NRXN1: variants seen among roughly 807,000 people sequenced by gnomAD.
NRXN1 encodes the protein neurexin 1, also known as neurexin-1.
Under a neutral mutation model 150.9 loss-of-function variants are expected in NRXN1, and 39 were observed. That is an observed-to-expected ratio of 0.26 (90% CI 0.20 to 0.34). NRXN1 has a LOEUF of 0.34. Among genes scored for constraint, NRXN1 ranks in the 10% least tolerant of loss-of-function variants. The pLI is 1.00. For missense variants in NRXN1, 1,815 were observed against 1,949.9 expected (o/e 0.93, Z 1.30); for synonymous variants, 924 against 757.0 (o/e 1.22, Z -3.62).
intron 2 of NRXN1, among the ~76,000 whole-genome samples, chr2:51,005,454 T>A (rs957047484): frequency 6.6e-6 from 1 of 151,920 alleles, no homozygotes; most frequent in African/African-American, 2.4e-5. Context: ...AGAAAAGCTA[T>A]CCTTCAAAAA....
At chr2:50,105,823 A>C (rs190719346) in intron 18 of NRXN1, among the ~76,000 whole-genome samples, 1 of 152,094 alleles carries the variant, frequency 6.6e-6, no homozygotes, top group Non-Finnish European at 1.5e-5. Context: ...TGGTTGTATC[A>C]AAAAAGCCAC....
At chr2:50,326,272 T>C (rs954398126) in intron 17 of NRXN1, among the ~76,000 whole-genome samples, 1 of 152,200 alleles carries the variant, frequency 6.6e-6, no homozygotes, top group South Asian at 2.1e-4. Flanking sequence ...ACTAAAACTA[T>C]AAAACAATTT....
intron 18 of NRXN1, among the ~76,000 whole-genome samples, chr2:50,113,220 C>T (rs891563226): frequency 3.3e-5 from 5 of 152,184 alleles, no homozygotes; most frequent in African/African-American, 1.2e-4. Flanking sequence ...TCAATGACTA[C>T]CTTTCCCGCA....
At chr2:50,739,263 C>A (rs775118762) in intron 5 of NRXN1, 12 of 505,848 alleles carry the variant, frequency 2.4e-5, no homozygotes, top group South Asian at 1.4e-4. Flanking sequence ...ATGAGACTTA[C>A]TTTTTGATTA....
At chr2:49,995,582 C>T (rs1278394611) in intron 21 of NRXN1, among the ~76,000 whole-genome samples, 1 of 151,374 alleles carries the variant, frequency 6.6e-6, no homozygotes, top group Non-Finnish European at 1.5e-5. Flanking sequence ...GAGATCGACA[C>T]CATCCTGGCT....
At chr2:50,763,175 G>A (rs9752038) in intron 5 of NRXN1, among the ~76,000 whole-genome samples, 3,185 of 151,888 alleles carry the variant, frequency 0.021, 108 homozygotes, top group African/African-American at 0.074. Flanking sequence ...TGTAAGAATC[G>A]ACTAGTTCCT....
intron 21 of NRXN1, among the ~76,000 whole-genome samples, chr2:49,957,025 T>A (rs753108362): frequency 2.6e-5 from 4 of 152,160 alleles, no homozygotes; most frequent in Non-Finnish European, 4.4e-5. Context: ...AGATGCTAAG[T>A]GACCAGGCAT....
chr2:50,203,784 A>C (rs963883951), intron 18 of NRXN1, among the ~76,000 whole-genome samples: 2 of 152,314 alleles, frequency 1.3e-5, no homozygotes, highest in Non-Finnish European at 1.5e-5. Context: ...TAGCTACAAA[A>C]TCAATAGTTC....
chr2:50,412,197 C>T (rs2083237944), intron 17 of NRXN1, among the ~76,000 whole-genome samples: 1 of 151,996 alleles, frequency 6.6e-6, no homozygotes, highest in Non-Finnish European at 1.5e-5. Flanking sequence ...GGCCCTCTGC[C>T]TAGGAAAACC....
At chr2:50,215,343 T>A (rs1209892137) in intron 18 of NRXN1, among the ~76,000 whole-genome samples, 1 of 152,070 alleles carries the variant, frequency 6.6e-6, no homozygotes, top group Non-Finnish European at 1.5e-5. Context: ...AAATAAATAC[T>A]ATATGTTATG....
chr2:50,678,220 C>T (rs1689823440), intron 5 of NRXN1, among the ~76,000 whole-genome samples: 2 of 152,056 alleles, frequency 1.3e-5, no homozygotes, highest in South Asian at 4.1e-4. Context: ...ATTTGTGGGG[C>T]AAGTTCACCA....
chr2:50,475,443 T>C lies in NRXN1; in HGVS notation c.3071-2972A>G, dbSNP rs143509565. On this transcript the variant is annotated intron_variant, in intron 15 of 22. Coordinates refer to ENST00000401669, the MANE Select transcript of NRXN1 (RefSeq NM_001330078.2). The stretch of plus-strand genomic sequence containing the variant: ...CAACACATGAGGAGAGTGCTAATTC[T>C]AAAATGCACCAACTTACTTCCTTTT... Among the ~76,000 whole-genome samples, 8 of 152,180 alleles carry C rather than the reference T, an allele frequency of 5.3e-5. No homozygotes were observed. The East Asian group carries it at 1.5e-3, about 29-fold the overall frequency.
At chr2:50,822,055 G>T (rs1574598892) in intron 5 of NRXN1, among the ~76,000 whole-genome samples, 3 of 152,122 alleles carry the variant, frequency 2.0e-5, no homozygotes, top group South Asian at 4.1e-4. Flanking sequence ...GTAAATTTTG[G>T]TCTTCATTGT....
In NRXN1 at chr2:51,028,248, C is replaced by G; in HGVS notation, c.26G>C (p.Gly9Ala). The G allele has an allele frequency of 6.8e-7, 1 of 1,463,354 alleles. No homozygotes were observed. The highest frequency in any genetic ancestry group is 9.0e-7 in the Non-Finnish European group (1 of 1,114,690). 90.6% of individuals were successfully genotyped at this position (1,463,354 alleles called of 1,614,324 possible). A position where few individuals can be genotyped will look rare whatever the true frequency, so the allele number is the denominator to read the frequency against. MGTALLQR[G>A]GCFLLCLSLL... ...CGAGAGGCACAGAAGAAAACAGCCC[C>G]CGCGCTGGAGCAGCGCCGTCCCCAT... Residue 9 changes from glycine to alanine, a missense_variant, in exon 2 of 23, where the codon GGG (glycine) becomes GCG (alanine). This residue lies in a region of NRXN1 where 554 missense variants were observed against 478.8 expected (regional missense o/e 1.16). Transcript: ENST00000401669.
At chr2:50,390,205 T>G (rs1260714707) in intron 17 of NRXN1, among the ~76,000 whole-genome samples, 1 of 152,154 alleles carries the variant, frequency 6.6e-6, no homozygotes, top group African/African-American at 2.4e-5. Context: ...GTTTGCCTAT[T>G]TAAACAGGCT....
At chr2:50,304,299 G>A (rs2074419395) in intron 17 of NRXN1, among the ~76,000 whole-genome samples, 1 of 152,104 alleles carries the variant, frequency 6.6e-6, no homozygotes, top group South Asian at 2.1e-4. Flanking sequence ...TGAGGACAAT[G>A]CGGTCTTATT....
chr2:50,941,835 G>C (rs1308432306), intron 2 of NRXN1, among the ~76,000 whole-genome samples: 1 of 152,122 alleles, frequency 6.6e-6, no homozygotes, highest in African/African-American at 2.4e-5. Context: ...TTTCTGGGGA[G>C]AAATTAAAGC....
intron 5 of NRXN1, among the ~76,000 whole-genome samples, chr2:50,744,535 C>T (rs940446227): frequency 1.3e-5 from 2 of 152,086 alleles, no homozygotes; most frequent in Non-Finnish European, 2.9e-5. Flanking sequence ...CATAGTTTTT[C>T]ATATGCGGGT....
At chr2:50,847,701 G>T (rs1673873010) in intron 5 of NRXN1, among the ~76,000 whole-genome samples, 1 of 152,182 alleles carries the variant, frequency 6.6e-6, no homozygotes, top group Non-Finnish European at 1.5e-5. Flanking sequence ...GCTGGACGGC[G>T]AGAGAACATC....
Sources: gnomAD v4.1 joint callset for allele counts (sites outside exome capture counted in the v4.1 genomes callset) on GRCh38, gnomAD v4.1.1 for gene constraint, gnomAD v4.1.1 regional missense constraint, MANE v1.5 for transcripts, NCBI Gene and HGNC (gene_info 2026-07-23, HGNC 2026-07-21) for gene names.